The following EPHB1 variants were observed in gnomAD, a reference collection of about 807,000 sequenced individuals.
The protein encoded by EPHB1 is ephrin type-B receptor 1.
In EPHB1, 30 loss-of-function variants were observed where a neutral mutation model predicts 94.4. The ratio of observed to expected loss-of-function variants is 0.32; its 90% CI spans 0.24 to 0.43. EPHB1 has a LOEUF of 0.43. Ranked by LOEUF, EPHB1 falls within the 20% of genes least tolerant of loss-of-function variation. EPHB1 has a pLI of 1.00. For synonymous variants in EPHB1, 522 were observed against 489.1 expected (o/e 1.07, Z -0.89); for missense variants, 1,055 against 1,308.3 (o/e 0.81, Z 2.99).
chr3:134,801,563 A>T (rs768345042), intron 1 of EPHB1, among the ~76,000 whole-genome samples: 1 of 152,166 alleles, frequency 6.6e-6, no homozygotes, highest in Non-Finnish European at 1.5e-5. Flanking sequence ...CAACTTGAAT[A>T]TTTCTGTCAG....
At chr3:135,010,762 C>T (rs1935593487) in intron 3 of EPHB1, among the ~76,000 whole-genome samples, 1 of 151,914 alleles carries the variant, frequency 6.6e-6, no homozygotes, top group African/African-American at 2.4e-5. Flanking sequence ...TGGGATTTCA[C>T]CATCTTGGCC....
intron 6 of EPHB1, 81 bp downstream of exon 6, chr3:135,154,357 G>A (rs1247385638): frequency 6.3e-7 from 1 of 1,580,508 alleles, no homozygotes; most frequent in Non-Finnish European, 8.6e-7. Flanking sequence ...AAGGCACAAA[G>A]GAGATAGGCT....
At chr3:135,236,070 A>T (rs1943645262) in intron 12 of EPHB1, among the ~76,000 whole-genome samples, 1 of 152,210 alleles carries the variant, frequency 6.6e-6, no homozygotes, top group Admixed American at 6.5e-5. Context: ...TGGCTTCTAT[A>T]ACAAAGTATC....
intron 3 of EPHB1, among the ~76,000 whole-genome samples, chr3:135,069,199 T>A (rs1264870619): frequency 3.3e-5 from 5 of 151,902 alleles, no homozygotes; most frequent in Non-Finnish European, 1.5e-5. Context: ...TTTTTTCATT[T>A]AGCTCTTTTA....
chr3:134,869,460 C>G (rs1446115302), intron 1 of EPHB1, among the ~76,000 whole-genome samples: 5 of 152,064 alleles, frequency 3.3e-5, no homozygotes, highest in African/African-American at 1.2e-4. Flanking sequence ...TCATGCTCTC[C>G]CAGGAAGAGC....
At chr3:135,125,253 C>T (rs1022812699) in intron 4 of EPHB1, among the ~76,000 whole-genome samples, 8 of 151,576 alleles carry the variant, frequency 5.3e-5, no homozygotes, top group African/African-American at 1.7e-4. Flanking sequence ...TATGGTAAAA[C>T]AGGGCAACTC....
At chr3:135,134,060 G>A (rs535148544) in intron 5 of EPHB1, among the ~76,000 whole-genome samples, 74 of 152,216 alleles carry the variant, frequency 4.9e-4, no homozygotes, top group Non-Finnish European at 7.6e-4. Flanking sequence ...AATACCAAGG[G>A]AGTTAGAGAA....
At chr3:134,841,555 C>T (rs1578129260) in intron 1 of EPHB1, 1 of 152,310 alleles carries the variant, frequency 6.6e-6, no homozygotes, top group Admixed American at 6.5e-5. Context: ...AAAAGGTTTC[C>T]TCTATTTATT....
intron 1 of EPHB1, among the ~76,000 whole-genome samples, chr3:134,804,766 C>T (rs7648359): frequency 0.24 from 36,307 of 152,098 alleles, 8,354 homozygotes; most frequent in African/African-American, 0.6. Context: ...TGCAGACTTA[C>T]GACATCAGAG....
chr3:135,010,948 A>G (rs773492532), intron 3 of EPHB1, among the ~76,000 whole-genome samples: 1 of 152,166 alleles, frequency 6.6e-6, no homozygotes, highest in Non-Finnish European at 1.5e-5. Flanking sequence ...AACAAGTTCT[A>G]ACATTTTTGG....
intron 5 of EPHB1, 81 bp from the exon 6 acceptor site, chr3:135,154,071 T>C (rs906262641): frequency 6.4e-7 from 1 of 1,568,134 alleles, no homozygotes; most frequent in Admixed American, 1.8e-5. Flanking sequence ...GCCATTTTTC[T>C]CCCTACGTAC....
At chr3:135,115,982 G>C (rs548233050) in intron 4 of EPHB1, among the ~76,000 whole-genome samples, 3 of 152,122 alleles carry the variant, frequency 2.0e-5, no homozygotes, top group African/African-American at 7.2e-5. Context: ...TTGGGAGGCC[G>C]AGGCGGGTGG....
At chr3:134,806,835 A>T (rs1350007049) in intron 1 of EPHB1, among the ~76,000 whole-genome samples, 1 of 152,216 alleles carries the variant, frequency 6.6e-6, no homozygotes, top group East Asian at 1.9e-4. Context: ...AGGCATGAAA[A>T]AGACAAATAA....
In EPHB1 at chr3:135,085,265, A is replaced by G. The variant is rs1168680049; in HGVS notation, c.806-21183A>G. ...CTGACTTTGAGGAATTCCTAAAGGG[A>G]AGCTAAGCGTGTCTTCCCAAGTGTA... On this transcript the variant is annotated intron_variant, in intron 3 of 15. Transcript: ENST00000398015. 7.9e-5 allele frequency among the ~76,000 whole-genome samples: 12 copies of G among 152,214 alleles called. 1 individual carries two copies. The highest frequency in any genetic ancestry group is 7.2e-4 in the Admixed American group (11 of 15,284).
chr3:135,147,100 A>G (rs553687335), intron 5 of EPHB1, among the ~76,000 whole-genome samples: 1 of 152,308 alleles, frequency 6.6e-6, no homozygotes, highest in South Asian at 2.1e-4. Flanking sequence ...AGGCACACAC[A>G]TCTCTCTGCA....
chr3:135,196,545 C>G (rs936561053), intron 11 of EPHB1, among the ~76,000 whole-genome samples: 2 of 152,072 alleles, frequency 1.3e-5, no homozygotes, highest in Admixed American at 1.3e-4. Context: ...GCCTTACTAC[C>G]GAACCCTGGA....
chr3:135,016,054 C>G (rs1935787555), intron 3 of EPHB1, among the ~76,000 whole-genome samples: 1 of 152,150 alleles, frequency 6.6e-6, no homozygotes, highest in African/African-American at 2.4e-5. Context: ...AACTTTCCTT[C>G]CTGACAAGTG....
chr3:134,815,900 A>C (rs1381889105), intron 1 of EPHB1, among the ~76,000 whole-genome samples: 1 of 152,158 alleles, frequency 6.6e-6, no homozygotes, highest in Non-Finnish European at 1.5e-5. Context: ...TAGTTTCAAC[A>C]GTTGTTGTTA....
chr3:134,958,622 G>T (rs576766901), intron 3 of EPHB1, among the ~76,000 whole-genome samples: 7 of 152,106 alleles, frequency 4.6e-5, no homozygotes, highest in African/African-American at 1.7e-4. Context: ...CATTAACACC[G>T]CAGCCCTGTA....
Sources: gnomAD v4.1 joint callset for allele counts (sites outside exome capture counted in the v4.1 genomes callset) on GRCh38, gnomAD v4.1.1 for gene constraint, MANE v1.5 for transcripts, NCBI Gene and HGNC (gene_info 2026-07-23, HGNC 2026-07-21) for gene names.